PALM2AKAP2: variants seen among roughly 807,000 people sequenced by gnomAD.
The protein encoded by PALM2AKAP2 is PALM2-AKAP2 fusion protein.
In PALM2AKAP2, 37 loss-of-function variants were observed where a neutral mutation model predicts 71.5. That is an observed-to-expected ratio of 0.52 (90% confidence interval 0.40 to 0.68). PALM2AKAP2 has a LOEUF of 0.68. PALM2AKAP2 is among the 30% of genes least tolerant of loss of function. PALM2AKAP2 has a pLI of 0.00. For missense variants in PALM2AKAP2, 1,224 were observed against 1,191.8 expected (o/e 1.03, Z -0.40); for synonymous variants, 468 against 478.8 (o/e 0.98, Z 0.29).
intron 1 of PALM2AKAP2, among the ~76,000 whole-genome samples, chr9:109,785,567 C>A (rs1164364669): frequency 6.6e-6 from 1 of 152,184 alleles, no homozygotes; most frequent in Non-Finnish European, 1.5e-5. Flanking sequence ...GGGGAGGCCT[C>A]ACAATCATGG....
intron 1 of PALM2AKAP2, among the ~76,000 whole-genome samples, chr9:110,083,219 C>G (rs1254017413): frequency 6.6e-6 from 1 of 152,152 alleles, no homozygotes; most frequent in Non-Finnish European, 1.5e-5. Flanking sequence ...AGCCACCCTT[C>G]TACTTTCTGT....
At chr9:110,066,510 A>G (rs957170396) in intron 1 of PALM2AKAP2, among the ~76,000 whole-genome samples, 4 of 152,176 alleles carry the variant, frequency 2.6e-5, no homozygotes, top group Non-Finnish European at 5.9e-5. Context: ...CAGCCTGGGC[A>G]GCATAGTGAG....
intron 1 of PALM2AKAP2, among the ~76,000 whole-genome samples, chr9:109,725,228 G>A (rs1340789985): frequency 6.6e-6 from 1 of 152,130 alleles, no homozygotes; most frequent in Non-Finnish European, 1.5e-5. Flanking sequence ...GAGGTAAAAG[G>A]AAAAATCAAT....
rs372005023 is a variant in PALM2AKAP2 at position 109,665,880 on chromosome 9, C to T, written c.5+25014C>T. ...GCTTCCCTGCTGCTTTGTTTACCTA[C>T]TCAAGCCTCAGCAATGGCGGATGCC... On this transcript the variant is annotated intron_variant, in intron 1 of 6. Coordinates refer to the PALM2AKAP2 transcript ENST00000374531. 5.0e-3 allele frequency among the ~76,000 whole-genome samples: 764 copies of T among 152,368 alleles called. 3 individuals are homozygous for T. Among genetic ancestry groups the T allele is most frequent in the African/African-American group, 0.017 (711 of 41,590 alleles).
At chr9:109,672,343 G>C (rs907148087) in intron 1 of PALM2AKAP2, among the ~76,000 whole-genome samples, 9 of 152,062 alleles carry the variant, frequency 5.9e-5, no homozygotes, top group African/African-American at 1.9e-4. Flanking sequence ...AAGCCTTTCT[G>C]TATCTATTGA....
At chr9:110,034,836 C>T (rs1286988357) in intron 7 of PALM2AKAP2, among the ~76,000 whole-genome samples, 1 of 151,656 alleles carries the variant, frequency 6.6e-6, no homozygotes, top group Non-Finnish European at 1.5e-5. Flanking sequence ...AACTCCTGAC[C>T]TCGTGAACTG....
chr9:109,671,958 A>G (rs1232153454), intron 1 of PALM2AKAP2, among the ~76,000 whole-genome samples: 1 of 152,060 alleles, frequency 6.6e-6, no homozygotes, highest in African/African-American at 2.4e-5. Context: ...GTATCTTGAG[A>G]TTTTGCTGAA....
At chr9:109,669,479 T>G (rs1330639209) in intron 1 of PALM2AKAP2, among the ~76,000 whole-genome samples, 1 of 152,134 alleles carries the variant, frequency 6.6e-6, no homozygotes, top group African/African-American at 2.4e-5. Flanking sequence ...GAATGGGGTG[T>G]CTTCCTCTTT....
chr9:110,084,590 T>A (rs762233287), intron 1 of PALM2AKAP2, among the ~76,000 whole-genome samples: 44 of 152,170 alleles, frequency 2.9e-4, no homozygotes, highest in Admixed American at 4.6e-4. Context: ...GTGTATAACC[T>A]CTGAAGATCT....
At chr9:109,894,325 C>T (rs7034204) in intron 3 of PALM2AKAP2, among the ~76,000 whole-genome samples, 10,116 of 152,174 alleles carry the variant, frequency 0.066, 592 homozygotes, top group East Asian at 0.27. Flanking sequence ...GGCAACAGAG[C>T]GAGACTCCAT....
chr9:109,906,656 G>A (rs918744434), intron 3 of PALM2AKAP2, among the ~76,000 whole-genome samples: 1 of 152,140 alleles, frequency 6.6e-6, no homozygotes, highest in African/African-American at 2.4e-5. Context: ...TGCTAAGCTT[G>A]GCTTCACCAT....
chr9:110,099,725 A>C (rs1834946490), intron 1 of PALM2AKAP2, among the ~76,000 whole-genome samples: 1 of 152,206 alleles, frequency 6.6e-6, no homozygotes, highest in Non-Finnish European at 1.5e-5. Context: ...TTGAAAAATG[A>C]AAAGTGGCCA....
chr9:109,977,109 A>G (rs1480289928), intron 6 of PALM2AKAP2, among the ~76,000 whole-genome samples: 2 of 152,188 alleles, frequency 1.3e-5, no homozygotes, highest in East Asian at 3.8e-4. Flanking sequence ...GGTGAGGCCA[A>G]GAATTTTTAT....
At chr9:109,654,750 G>GGTGTGTGTGTGTGTGTGT (rs374397482) in intron 1 of PALM2AKAP2, among the ~76,000 whole-genome samples, 1,694 of 147,254 alleles carry the variant, frequency 0.012, 13 homozygotes, top group South Asian at 0.021. Flanking sequence ...GTATGTGTAT[G>GGTGTGTGTGTGTGTGTGT]GTGTGTGTGT....
chr9:109,921,381 TCCCTGGCCTCTA>T (rs1430592544), intron 3 of PALM2AKAP2, among the ~76,000 whole-genome samples: 1 of 152,208 alleles, frequency 6.6e-6, no homozygotes, highest in African/African-American at 2.4e-5. Flanking sequence ...TTTACCAGCA[TCCCTGGCCTCTA>T]CCCACTATGT....
At chr9:110,148,071 G>T (rs1836223018) in intron 2 of PALM2AKAP2, among the ~76,000 whole-genome samples, 1 of 152,026 alleles carries the variant, frequency 6.6e-6, no homozygotes, top group South Asian at 2.1e-4. Context: ...TCCTTCTGGG[G>T]GGAGGTAATC....
chr9:109,814,318 A>G (rs1001603350), intron 1 of PALM2AKAP2, among the ~76,000 whole-genome samples: 1 of 152,254 alleles, frequency 6.6e-6, no homozygotes, highest in Non-Finnish European at 1.5e-5. Context: ...TACTTAATGC[A>G]CAAGTGTCAA....
intron 1 of PALM2AKAP2, among the ~76,000 whole-genome samples, chr9:109,722,158 T>A (rs1217350280): frequency 1.3e-5 from 2 of 152,214 alleles, no homozygotes; most frequent in Non-Finnish European, 2.9e-5. Flanking sequence ...GTTAATAAAT[T>A]ATGATTCATC....
chr9:109,693,182 A>G (rs146927413), intron 1 of PALM2AKAP2, among the ~76,000 whole-genome samples: 10 of 151,930 alleles, frequency 6.6e-5, no homozygotes, highest in African/African-American at 2.4e-4. Context: ...TTATTTATTT[A>G]TTTATTTCTT....
Sources: allele counts gnomAD v4.1 joint callset (sites outside exome capture counted in the v4.1 genomes callset), GRCh38; gene constraint gnomAD v4.1.1; transcripts MANE v1.5; gene names NCBI Gene and HGNC (gene_info 2026-07-23, HGNC 2026-07-21).